The following COBL variants were observed in gnomAD, a reference collection of about 807,000 sequenced individuals.
The protein encoded by COBL is cordon-bleu WH2 repeat protein.
In COBL, 51 loss-of-function variants were observed where a neutral mutation model predicts 98.8. The observed-to-expected ratio is 0.52, with a 90% confidence interval of 0.41 to 0.65. The LOEUF is 0.65. Ranked by LOEUF, COBL falls within the 30% of genes least tolerant of loss-of-function variation. The probability of loss-of-function intolerance (pLI) is 0.00; values close to 1 mark genes in which losing one functional copy is unlikely to be tolerated. For missense variants in COBL, 1,617 were observed against 1,617.5 expected, an observed-to-expected ratio of 1.00 and a Z score of 0.01; for synonymous variants, 634 against 651.7, an observed-to-expected ratio of 0.97 and a Z score of 0.41.
chr7:51,235,864 C>G (rs543140864), intron 1 of COBL, among the ~76,000 whole-genome samples: 108 of 152,316 alleles, frequency 7.1e-4, no homozygotes, highest in African/African-American at 2.5e-3. Flanking sequence ...CTACCCACCC[C>G]CTCCTGCACT....
chr7:51,029,413 G>T lies in COBL; in HGVS notation c.1683C>A (p.Asn561Lys). 3 of 1,614,114 alleles carry T rather than the reference G, an allele frequency of 1.9e-6. No individual in the cohort carries two copies. Among genetic ancestry groups the T allele is most frequent in the Non-Finnish European group, 2.5e-6 (3 of 1,180,004 alleles). Residue 561 changes from asparagine (N) to lysine (K), a missense_variant, in exon 10 of 13, where the codon AAC becomes AAA. Transcript: ENST00000265136. The stretch of plus-strand genomic sequence containing the variant: ...CCGAGTCGAAAGACCCAGCATTGTT[G>T]TTTCTATTGGAAAACAACCCCGAAT... ...PVDSGLFSNR[N>K]NNAGSFDSEG...
intron 2 of COBL, among the ~76,000 whole-genome samples, chr7:51,209,800 T>C (rs1287940502): frequency 6.6e-6 from 1 of 152,142 alleles, no homozygotes; most frequent in African/African-American, 2.4e-5. Context: ...GCTTTCCCTC[T>C]AATCCCCACC....
At position 51,028,349 on chromosome 7, in the gene COBL, G is replaced by C; in HGVS notation, c.2747C>G (p.Ser916Cys). The change falls in exon 10 of 13, where the codon TCC becomes TGC. Residue 916 changes from serine to cysteine, a missense_variant. Transcript: ENST00000265136. The stretch of plus-strand genomic sequence containing the variant: ...TCCTTGTGTCTCTGAGTGTGGGCTG[G>C]ATGTCCTGTCATCTTTCACAGTGAC... ...PPVTVKDDRT[S>C]SPHSETQGWK... 1 of 1,614,254 alleles carries C rather than the reference G, an allele frequency of 6.2e-7. No individual in the cohort carries two copies. Among genetic ancestry groups the C allele is most frequent in the Non-Finnish European group, 8.5e-7 (1 of 1,180,050 alleles).
intron 2 of COBL, among the ~76,000 whole-genome samples, chr7:51,196,601 T>C (rs369536825): frequency 6.6e-6 from 1 of 152,172 alleles, no homozygotes; most frequent in African/African-American, 2.4e-5. Context: ...CAGTTCTTCT[T>C]TGTATATCTG....
chr7:51,150,376 C>G (rs1360335405), intron 5 of COBL, among the ~76,000 whole-genome samples: 1 of 152,162 alleles, frequency 6.6e-6, no homozygotes. Flanking sequence ...ACTCGGCATG[C>G]CTCTCATACT....
At chr7:51,079,785 C>G (rs570239649) in intron 7 of COBL, among the ~76,000 whole-genome samples, 27 of 152,324 alleles carry the variant, frequency 1.8e-4, no homozygotes, top group Admixed American at 3.9e-4. Flanking sequence ...GAGAGGTGGC[C>G]TCTTAGAGCC....
rs753085874 is a variant in COBL, at chr7:51,029,261, C to T, written c.1835G>A (p.Arg612His). 9.9e-6 allele frequency: 16 copies of T among 1,610,616 alleles called. No individual in the cohort carries two copies. Among genetic ancestry groups the T allele is most frequent in the Middle Eastern group, 1.7e-4 (1 of 6,056 alleles). The change falls in exon 10 of 13, where the codon CGT becomes CAT. Residue 612 changes from arginine (R) to histidine (H), a missense_variant. Coordinates refer to ENST00000265136, the MANE Select transcript of COBL (RefSeq NM_015198.5). The part of the protein sequence containing the change: ...PASHDVGKGI[R>H]VALSNISKDG... ...TTTAGAGATGTTAGATAAGGCCACA[C>T]GGATTCCTTTTCCGACGTCATGGGA...
intron 6 of COBL, among the ~76,000 whole-genome samples, chr7:51,095,444 G>A (rs1490350470): frequency 6.6e-6 from 1 of 152,122 alleles, no homozygotes; most frequent in African/African-American, 2.4e-5. Context: ...ACAAAGGAGA[G>A]TGCCAACAGA....
At chr7:51,203,449 G>C (rs1251660992) in intron 2 of COBL, among the ~76,000 whole-genome samples, 1 of 88,552 alleles carries the variant, frequency 1.1e-5, no homozygotes. Flanking sequence ...GCGACAGAGC[G>C]AGACTCCGTC....
chr7:51,223,717 C>G (rs760545870), intron 1 of COBL, among the ~76,000 whole-genome samples: 1 of 152,180 alleles, frequency 6.6e-6, no homozygotes, highest in Non-Finnish European at 1.5e-5. Context: ...CTGGGTGCTC[C>G]AGGCCTGGGC....
rs574556919 is a variant in COBL at position 51,111,087 on chromosome 7, C to T, written c.957+25071G>A. ...ATTGCTGGATCAAATGGTAGTTCTACTTTTAGTTCTTTAAGGTGATACCAT... is the reference window on the plus strand; with the variant it reads ...ATTGCTGGATCAAATGGTAGTTCTATTTTTAGTTCTTTAAGGTGATACCAT... On this transcript the variant is annotated intron_variant, in intron 6 of 12. Coordinates refer to ENST00000265136, the MANE Select transcript of COBL (RefSeq NM_015198.5). 6.6e-5 allele frequency among the ~76,000 whole-genome samples: 10 copies of T among 152,254 alleles called. No homozygotes were observed. The South Asian group carries it at 2.1e-3, about 32-fold the overall frequency.
At chr7:51,142,086 A>G (rs982214181) in intron 5 of COBL, among the ~76,000 whole-genome samples, 1 of 152,192 alleles carries the variant, frequency 6.6e-6, no homozygotes, top group African/African-American at 2.4e-5. Flanking sequence ...ACCATGAAGC[A>G]TGCCAGCTTC....
At chr7:51,041,087 G>T (rs1468149211) in intron 8 of COBL, among the ~76,000 whole-genome samples, 4 of 152,186 alleles carry the variant, frequency 2.6e-5, no homozygotes, top group Admixed American at 6.5e-5. Flanking sequence ...CCATAATTTT[G>T]CTCTGTTCTC....
chr7:51,099,077 AG>A (rs1295321112), intron 6 of COBL, among the ~76,000 whole-genome samples: 1 of 151,506 alleles, frequency 6.6e-6, no homozygotes, highest in Non-Finnish European at 1.5e-5. Context: ...CACTTCCACT[AG>A]GATGGCCACT....
At chr7:51,271,185 C>A (rs112004164) in intron 1 of COBL, among the ~76,000 whole-genome samples, 1,871 of 152,266 alleles carry the variant, frequency 0.012, 38 homozygotes, top group African/African-American at 0.041. Context: ...GGCAGGGTTG[C>A]GTCGTCACCA....
chr7:51,069,779 A>G (rs1398153865), intron 7 of COBL, among the ~76,000 whole-genome samples: 1 of 152,162 alleles, frequency 6.6e-6, no homozygotes, highest in Non-Finnish European at 1.5e-5. Context: ...CCACTCTTTA[A>G]ATCTTGTCCC....
At chr7:51,238,096 C>CTGGCTGT (rs1795441320) in intron 1 of COBL, among the ~76,000 whole-genome samples, 1 of 152,240 alleles carries the variant, frequency 6.6e-6, no homozygotes, top group South Asian at 2.1e-4. Context: ...ATGCTGACAG[C>CTGGCTGT]CAGCAGTGAC....
chr7:51,307,398 C>G (rs1802589358), intron 1 of COBL, among the ~76,000 whole-genome samples: 2 of 138,558 alleles, frequency 1.4e-5, no homozygotes, highest in Admixed American at 1.4e-4. Flanking sequence ...GAGGACAGTA[C>G]TGTCCTACCA....
chr7:51,304,962 A>T (rs1386499723), intron 1 of COBL, among the ~76,000 whole-genome samples: 2 of 152,148 alleles, frequency 1.3e-5, no homozygotes, highest in African/African-American at 4.8e-5. Context: ...CTCACCAAGA[A>T]GTTACCAGAG....
Sources: gnomAD v4.1 joint callset for allele counts (sites outside exome capture counted in the v4.1 genomes callset) on GRCh38, gnomAD v4.1.1 for gene constraint, MANE v1.5 for transcripts, NCBI Gene and HGNC (gene_info 2026-07-23, HGNC 2026-07-21) for gene names.